Variants in ZBTB17 observed in about 807,000 individuals in gnomAD.
ZBTB17 encodes the protein zinc finger and BTB domain-containing protein 17.
Under a neutral mutation model 85.1 loss-of-function variants are expected in ZBTB17, and 24 were observed. That is an observed-to-expected ratio of 0.28 (90% CI 0.20 to 0.40). ZBTB17 has a LOEUF of 0.40. Among genes scored for constraint, ZBTB17 ranks in the 10% least tolerant of loss-of-function variants. The probability of loss-of-function intolerance (pLI) is 1.00; values close to 1 mark genes in which losing one functional copy is unlikely to be tolerated. For synonymous variants in ZBTB17, 464 were observed against 460.2 expected (o/e 1.01, Z -0.11); for missense variants, 743 against 1,105.1 (o/e 0.67, Z 4.65).
At chr1:15,970,120 G>C (rs1249626598) in intron 2 of ZBTB17, 1 of 626,910 alleles carries the variant, frequency 1.6e-6, no homozygotes, top group Non-Finnish European at 2.9e-6. Flanking sequence ...CAGTAGTTGG[G>C]TCATCATATG....
rs848190 is a variant in ZBTB17, at chr1:15,951,799, G to T, written c.-2-3302C>A. On this transcript the variant is annotated intron_variant, in intron 2 of 15. Coordinates refer to ENST00000375743, the MANE Select transcript of ZBTB17 (RefSeq NM_003443.3). This position sits in a 1 kb window ranked among gnomAD's most constrained non-coding sequence, Gnocchi z 4.1. ...AGGGACATAGGAAAAGGGTTTGGGA[G>T]CGAAGGGGTGTGCAGGTCCTAGGAA... Among the ~76,000 whole-genome samples the T allele has an allele frequency of 0.11, 16,146 of 152,132 alleles. 1,239 individuals carry two copies. The highest frequency in any genetic ancestry group is 0.23 in the Admixed American group (3,520 of 15,266).
At chr1:15,969,805 C>T (rs2072578049) in intron 2 of ZBTB17, 4 of 534,922 alleles carry the variant, frequency 7.5e-6, no homozygotes, top group Non-Finnish European at 1.4e-5. Flanking sequence ...CATCCCTCCC[C>T]AGCTTCCCCT....
chr1:15,945,816 T>C lies in ZBTB17; in HGVS notation c.560A>G (p.Asp187Gly), dbSNP rs1265400310. 24 of 1,600,890 alleles carry C rather than the reference T, an allele frequency of 1.5e-5. No individual in the cohort carries two copies. Among genetic ancestry groups the C allele is most frequent in the Non-Finnish European group, 2.0e-5 (23 of 1,178,098 alleles). Residue 187 changes from aspartate (D) to glycine (G), a missense_variant, in exon 6 of 16, where the codon GAT (aspartate) becomes GGT (glycine). By Grantham distance (94) the Asp-to-Gly change is moderately conservative. Transcript: ENST00000375743. ...CACAGGCGGCGGCTCCCGGGGCGCA[T>C]CGGCTTTCTCTGTCTGCTCTGCACC... ...ASGAEQTEKA[D>G]APREPPPVEL...
At position 15,973,048 on chromosome 1, in the gene ZBTB17, C is replaced by T. The variant is rs974650131; in HGVS notation, c.-12G>A. ...AGTATTACAGACATACCTCAGATTT[C>T]CAGACAGCCCAGGCTACTCTTTTCT... On this transcript the variant is annotated 5_prime_UTR_variant, in exon 2 of 16. An upstream open reading frame in the 5' UTR gains an earlier in-frame stop. Coordinates refer to ENST00000375743, the MANE Select transcript of ZBTB17 (RefSeq NM_003443.3). This position sits in a 1 kb window ranked among gnomAD's most constrained non-coding sequence, Gnocchi z 4.1. 6.6e-6 allele frequency: 1 copy of T among 152,216 alleles called. No individual in the cohort carries two copies. The highest frequency in any genetic ancestry group is 1.5e-5 in the Non-Finnish European group (1 of 68,044). 9.4% of individuals were successfully genotyped at this position (152,216 alleles called of 1,614,324 possible).
intron 2 of ZBTB17, among the ~76,000 whole-genome samples, chr1:15,969,051 G>A (rs1461298392): frequency 6.6e-6 from 1 of 152,168 alleles, no homozygotes; most frequent in African/African-American, 2.4e-5. Flanking sequence ...ATTTACAGCC[G>A]CTCCCCATCA....
At chr1:15,949,765 C>T (rs1023855272) in intron 2 of ZBTB17, among the ~76,000 whole-genome samples, 3 of 152,244 alleles carry the variant, frequency 2.0e-5, no homozygotes, top group South Asian at 2.1e-4. Context: ...GTGATGAGTC[C>T]GGAGGAAGCC....
rs548130871 is a variant in ZBTB17 at position 15,945,739 on chromosome 1, C to G, written c.637G>C (p.Ala213Pro). The G allele has an allele frequency of 6.2e-7, 1 of 1,606,958 alleles. No individual in the cohort carries two copies. The highest frequency in any genetic ancestry group is 8.5e-7 in the Non-Finnish European group (1 of 1,179,830). Reference protein sequence around the residue: ...SGMAAAEAEAALSESSEQEME... With the variant: ...SGMAAAEAEAPLSESSEQEME... Reference sequence around the variant, plus strand: ...CCTTGCTCCGAGCTCTCGGACAAAGCGGCCTCAGCTTCTGCAGCAGCCATG... The same window carrying G: ...CCTTGCTCCGAGCTCTCGGACAAAGGGGCCTCAGCTTCTGCAGCAGCCATG... The change falls in exon 6 of 16, where the codon GCT becomes CCT. Residue 213 changes from alanine (A) to proline (P), a missense_variant. Transcript: ENST00000375743.
At position 15,966,634 on chromosome 1, in the gene ZBTB17, C is replaced by G. The variant is rs569697911; in HGVS notation, c.-3+6405G>C. Among the ~76,000 whole-genome samples the G allele has an allele frequency of 4.3e-4, 66 of 152,342 alleles. 1 individual carries two copies. In the South Asian group the frequency reaches 5.8e-3, roughly 13 times the overall value. ...CCCCAGTTTTCTACACGTATCTGTG[C>G]TGACTGCATTACTGAGGTCAACCTT... On this transcript the variant is annotated intron_variant, in intron 2 of 15. Coordinates refer to ENST00000375743, the MANE Select transcript of ZBTB17 (RefSeq NM_003443.3). This position sits in a 1 kb window ranked among gnomAD's most constrained non-coding sequence, Gnocchi z 4.1.
At chr1:15,957,909 G>T (rs2072110154) in intron 2 of ZBTB17, among the ~76,000 whole-genome samples, 1 of 152,144 alleles carries the variant, frequency 6.6e-6, no homozygotes, top group African/African-American at 2.4e-5. Flanking sequence ...CTCCGTGGGG[G>T]GAATCAGAGT....
At position 15,942,396 on chromosome 1, in the gene ZBTB17, G is replaced by A; in HGVS notation, c.2063C>T (p.Thr688Ile). 1 of 1,613,588 alleles carries A rather than the reference G, an allele frequency of 6.2e-7. No homozygotes were observed. The highest frequency in any genetic ancestry group is 8.5e-7 in the Non-Finnish European group (1 of 1,180,018). Residue 688 changes from threonine to isoleucine, a missense_variant, in exon 15 of 16, where the codon ACA becomes ATA. Thr to Ile is a moderately conservative substitution (Grantham distance 89). Transcript: ENST00000375743. ...LTVVPVGAAVTADETEVLKAE... is the reference protein window; with the variant it reads ...LTVVPVGAAVIADETEVLKAE... ...CTTCAGGACTTCCGTCTCATCGGCT[G>A]TCACTGCAGCTCCCACCGGCACCAC... is the stretch of plus-strand genomic sequence containing the variant.
In ZBTB17 at chr1:15,952,470, C is replaced by G. The variant is rs1295566279; in HGVS notation, c.-2-3973G>C. 6.6e-6 allele frequency among the ~76,000 whole-genome samples: 1 copy of G among 152,244 alleles called. No individual in the cohort carries two copies. The highest frequency in any genetic ancestry group is 1.5e-5 in the Non-Finnish European group (1 of 68,042). Reference sequence around the variant, plus strand: ...CGGAACGGACGCGGATGATGCAGAGCCCCTCTCAGGATGGCCAGCCATTCC... The same window carrying G: ...CGGAACGGACGCGGATGATGCAGAGGCCCTCTCAGGATGGCCAGCCATTCC... On this transcript the variant is annotated intron_variant, in intron 2 of 15. Coordinates refer to ENST00000375743, the MANE Select transcript of ZBTB17 (RefSeq NM_003443.3). This position sits in a 1 kb window ranked among gnomAD's most constrained non-coding sequence, Gnocchi z 4.3.
intron 2 of ZBTB17, among the ~76,000 whole-genome samples, chr1:15,968,002 T>C (rs1410912955): frequency 6.6e-6 from 1 of 152,044 alleles, no homozygotes; most frequent in Non-Finnish European, 1.5e-5. Flanking sequence ...TTCTGGGGTG[T>C]CACCACTGGA....
chr1:15,949,123 G>A (rs1011963758), intron 2 of ZBTB17, among the ~76,000 whole-genome samples: 6 of 152,054 alleles, frequency 3.9e-5, no homozygotes, highest in African/African-American at 1.4e-4. Context: ...GGAGTCTTCT[G>A]ACTCCAGAAA....
intron 9 of ZBTB17, 46 bp downstream of exon 9, chr1:15,944,254 G>C (rs755493570): frequency 6.5e-7 from 1 of 1,546,388 alleles, no homozygotes; most frequent in South Asian, 1.2e-5. Context: ...TGCGGCTGCG[G>C]CCACCGGCGG....
At chr1:15,974,643 C>T (rs1330034727) in intron 1 of ZBTB17, among the ~76,000 whole-genome samples, 1 of 151,610 alleles carries the variant, frequency 6.6e-6, no homozygotes, top group Non-Finnish European at 1.5e-5. Flanking sequence ...GGCGCCGTTT[C>T]GGCTCACTGC....
At position 15,952,716 on chromosome 1, in the gene ZBTB17, T is replaced by C. The variant is rs1240852799; in HGVS notation, c.-2-4219A>G. ...AGCTCCCGTGTGAGTGGGAGACACA[T>C]GGAGGGGCTCTGGGGAGAGGGCACA... On this transcript the variant is annotated intron_variant, in intron 2 of 15. Coordinates refer to ENST00000375743, the MANE Select transcript of ZBTB17 (RefSeq NM_003443.3). This position sits in a 1 kb window ranked among gnomAD's most constrained non-coding sequence, Gnocchi z 4.3. Among the ~76,000 whole-genome samples, 2 of 152,108 alleles carry C rather than the reference T, an allele frequency of 1.3e-5. No homozygotes were observed. Among genetic ancestry groups the C allele is most frequent in the Non-Finnish European group, 2.9e-5 (2 of 68,024 alleles).
intron 2 of ZBTB17, among the ~76,000 whole-genome samples, chr1:15,962,172 T>C (rs2072282957): frequency 6.6e-6 from 1 of 152,132 alleles, no homozygotes; most frequent in Non-Finnish European, 1.5e-5. Context: ...GTGGCACTGC[T>C]GCTCCAGCTC....
Position 15,946,226 on chromosome 1 carries a change from G to A in ZBTB17, c.463C>T (p.Arg155Cys), listed in dbSNP as rs756273624. Residue 155 changes from arginine to cysteine, a missense_variant, in exon 5 of 16, where the codon CGC becomes TGC. Transcript: ENST00000375743. ...CTGCTGGGGCCTATGGGTGTGCTGC[G>A]TCCTGCCTGCTCCAGCCTGCTCAGC... ...STLSRLEQAGRSTPIGPSRDL... is the reference protein window; with the variant it reads ...STLSRLEQAGCSTPIGPSRDL... The A allele has an allele frequency of 7.4e-6, 12 of 1,613,496 alleles. No homozygotes were observed. Among genetic ancestry groups the A allele is most frequent in the South Asian group, 2.2e-5 (2 of 91,092 alleles).
chr1:15,975,402 C>CAGGATCGAGGATCCTGG (rs1553188240), intron 1 of ZBTB17, among the ~76,000 whole-genome samples: 1 of 152,246 alleles, frequency 6.6e-6, no homozygotes, highest in African/African-American at 2.4e-5. Flanking sequence ...CTCCTAACTC[C>CAGGATCGAGGATCCTGG]AGGATCGAGG....
Sources: gnomAD v4.1 joint callset for allele counts (sites outside exome capture counted in the v4.1 genomes callset) on GRCh38, gnomAD v4.1.1 for gene constraint, Gnocchi (gnomAD v3.1) non-coding constraint, MANE v1.5 for transcripts, NCBI Gene and HGNC (gene_info 2026-07-23, HGNC 2026-07-21) for gene names.